Variants in CACNA1C observed in about 807,000 individuals in gnomAD.
The protein encoded by CACNA1C is calcium voltage-gated channel subunit alpha1 C.
CACNA1C carries 30 observed loss-of-function variants against 229.0 expected under a neutral mutation model. The observed-to-expected ratio is 0.13, with a 90% CI of 0.10 to 0.18. The LOEUF (loss-of-function observed/expected upper bound fraction) is 0.18. CACNA1C is among the 10% of genes least tolerant of loss of function. The probability of loss-of-function intolerance (pLI) is 1.00; values close to 1 mark genes in which losing one functional copy is unlikely to be tolerated. For synonymous variants in CACNA1C, 1,114 were observed against 1,132.5 expected, an observed-to-expected ratio of 0.98 and a Z score of 0.33; for missense variants, 1,658 against 2,845.0, an observed-to-expected ratio of 0.58 and a Z score of 9.49.
rs1367529003 is a variant in CACNA1C at position 2,601,832 on chromosome 12, G to A, written c.2854-22G>A. 2 of 1,541,870 alleles carry A rather than the reference G, an allele frequency of 1.3e-6. No individual in the cohort carries two copies. The highest frequency in any genetic ancestry group is 1.7e-4 in the Middle Eastern group (1 of 5,906). ...TAGGGCTAGGGCCACTCACACTGGT[G>A]TTCCTTTGTCCCTCCCTGCAGATGA... On this transcript the variant is annotated intron_variant, in intron 21 of 46. Transcript: ENST00000399655. This position sits in a 1 kb window ranked among gnomAD's most constrained non-coding sequence, Gnocchi z 5.9.
At chr12:2,356,530 T>C (rs2097368538) in intron 3 of CACNA1C, among the ~76,000 whole-genome samples, 2 of 152,350 alleles carry the variant, frequency 1.3e-5, no homozygotes, top group East Asian at 3.9e-4. Context: ...GGCGCTGCCC[T>C]TGGCCCCAAG....
chr12:2,580,186 G>A (rs926173399), intron 13 of CACNA1C, among the ~76,000 whole-genome samples: 1 of 152,210 alleles, frequency 6.6e-6, no homozygotes, highest in Admixed American at 6.5e-5. Context: ...ACAAATAGAT[G>A]TATATTAATA....
chr12:2,182,806 C>T (rs2096881287), intron 3 of CACNA1C, among the ~76,000 whole-genome samples: 1 of 152,060 alleles, frequency 6.6e-6, no homozygotes, highest in South Asian at 2.1e-4. Context: ...GAAGGCACAC[C>T]CCACCCTGCA....
chr12:2,655,152 T>C lies in CACNA1C; in HGVS notation c.4146T>C (p.Phe1382=), dbSNP rs772026369. Residue 1382 remains phenylalanine (F), a synonymous_variant, in exon 34 of 47, where the codon TTT becomes TTC. Transcript: ENST00000399655. ...CTCTTCCTTCTCTCTCCTAGGTGTT[T>C]GGGAAAATTGCCCTGAATGATACCA... ...FIYAVIGMQV[F]GKIALNDTTE... 1.9e-6 allele frequency: 3 copies of C among 1,607,736 alleles called. No individual in the cohort carries two copies. The highest frequency in any genetic ancestry group is 4.5e-5 in the East Asian group (2 of 44,844).
rs1405549636 is a variant in CACNA1C, at chr12:2,607,175, C to T, written c.3356+45C>T. 1.9e-6 allele frequency: 3 copies of T among 1,567,308 alleles called. No individual in the cohort carries two copies. In the South Asian group the frequency reaches 3.5e-5, roughly 18 times the overall value. On this transcript the variant is annotated intron_variant, in intron 26 of 46. Transcript: ENST00000399655. ...CCCCACGAGCCCTGACATTCAAGGG[C>T]CAGTACTGACTTTCCAGCCCATCCC...
chr12:2,644,488 CT>C (rs1452170393), intron 30 of CACNA1C, among the ~76,000 whole-genome samples: 1 of 152,182 alleles, frequency 6.6e-6, no homozygotes, highest in Non-Finnish European at 1.5e-5. Flanking sequence ...TTTTAAAAAA[CT>C]TTTTTTCGTA....
At chr12:2,515,852 G>A (rs770848647) in intron 9 of CACNA1C, among the ~76,000 whole-genome samples, 9 of 152,190 alleles carry the variant, frequency 5.9e-5, no homozygotes, top group Non-Finnish European at 1.2e-4. Context: ...GAAGTGGCCC[G>A]TAAGTTATAT....
chr12:1,987,761 ATAT>A lies in CACNA1C; in HGVS notation c.139+16562_139+16564del, dbSNP rs1161683211. ...CCCATCCTTCCAATATAATGCTTTC[ATAT>A]TCAGTGTCTTTAACTATGTATTATG... On this transcript the variant is annotated intron_variant, in intron 1 of 46. Coordinates refer to the CACNA1C transcript ENST00000682462. 2.6e-5 allele frequency among the ~76,000 whole-genome samples: 4 copies of A among 152,214 alleles called. 1 individual carries two copies. Among genetic ancestry groups the A allele is most frequent in the Admixed American group, 2.6e-4 (4 of 15,290 alleles).
intron 46 of CACNA1C, 116 bp from the exon 47 acceptor site, chr12:2,690,764 ACACGTACACGTGCACACACG>A: frequency 2.5e-6 from 2 of 807,314 alleles, no homozygotes; most frequent in Non-Finnish European, 3.8e-6. Flanking sequence ...CCCAACACAC[ACACGTACACGTGCACACACG>A]CACACTTCCC....
chr12:2,292,373 G>T (rs1325826933), intron 3 of CACNA1C, among the ~76,000 whole-genome samples: 2 of 152,174 alleles, frequency 1.3e-5, no homozygotes, highest in Non-Finnish European at 2.9e-5. Flanking sequence ...CACGTTTATT[G>T]TGTCCCATTT....
intron 3 of CACNA1C, among the ~76,000 whole-genome samples, chr12:2,256,549 C>T (rs2077946591): frequency 6.6e-6 from 1 of 152,120 alleles, no homozygotes. Context: ...GATGAGCGTA[C>T]AGGGTTCTTG....
intron 3 of CACNA1C, among the ~76,000 whole-genome samples, chr12:2,196,890 C>A (rs1282423749): frequency 6.6e-6 from 1 of 152,198 alleles, no homozygotes; most frequent in African/African-American, 2.4e-5. Context: ...TTCAGAACTG[C>A]CCCAGACCAA....
At chr12:2,011,596 T>TTC (rs1243391194) in intron 1 of CACNA1C, among the ~76,000 whole-genome samples, 1 of 152,202 alleles carries the variant, frequency 6.6e-6, no homozygotes, top group Non-Finnish European at 1.5e-5. Flanking sequence ...GCTACCTCGG[T>TTC]TCATATCAAA....
At chr12:2,242,871 A>G (rs2071183320) in intron 3 of CACNA1C, among the ~76,000 whole-genome samples, 1 of 152,254 alleles carries the variant, frequency 6.6e-6, no homozygotes, top group South Asian at 2.1e-4. Context: ...TTGATCCTCA[A>G]AAGAACCCTG....
chr12:2,016,523 G>A (rs546011932), intron 1 of CACNA1C, among the ~76,000 whole-genome samples: 32 of 152,074 alleles, frequency 2.1e-4, no homozygotes, highest in African/African-American at 7.0e-4. Context: ...TCCTCCTCCC[G>A]GGGTCAAGCA....
rs183857567 is a variant in CACNA1C, at chr12:2,622,995, C to T, written c.3828+10982C>T. ...CTCTTGGAGTCACTTTTGAGGAAGA[C>T]GTTTTCATCTCTATGTAGTCTTTCG... is the stretch of plus-strand genomic sequence containing the variant. On this transcript the variant is annotated intron_variant, in intron 29 of 46. Coordinates refer to ENST00000399655, the MANE Select transcript of CACNA1C (RefSeq NM_000719.7). Among the ~76,000 whole-genome samples, 284 of 152,316 alleles carry T rather than the reference C, an allele frequency of 1.9e-3. 1 individual carries two copies. The highest frequency in any genetic ancestry group is 6.5e-3 in the African/African-American group (269 of 41,578).
intron 15 of CACNA1C, among the ~76,000 whole-genome samples, chr12:2,583,457 C>A (rs1322493133): frequency 3.3e-5 from 5 of 152,226 alleles, no homozygotes; most frequent in Non-Finnish European, 7.3e-5. Context: ...AAGCTCCTTC[C>A]TGATCCCGGC....
In CACNA1C at chr12:2,633,682, C is replaced by G; in HGVS notation, c.3829-615C>G. The stretch of plus-strand genomic sequence containing the variant: ...TTGACTTCCTCATCGTAATTGGCAG[C>G]ATAATTGACGTCATTCTCAGTGAGA... On this transcript the variant is annotated intron_variant, in intron 29 of 46. Coordinates refer to ENST00000399655, the MANE Select transcript of CACNA1C (RefSeq NM_000719.7). The surrounding 1 kb of genome is among the most constrained non-coding windows in gnomAD (Gnocchi z 5.8). 6.2e-7 allele frequency: 1 copy of G among 1,610,070 alleles called. No homozygotes were observed. The highest frequency in any genetic ancestry group is 8.5e-7 in the Non-Finnish European group (1 of 1,176,342).
chr12:2,336,047 C>G (rs1318765125), intron 3 of CACNA1C, among the ~76,000 whole-genome samples: 2 of 150,776 alleles, frequency 1.3e-5, no homozygotes, highest in African/African-American at 2.4e-5. Flanking sequence ...AAAACAAACC[C>G]TAAGCATCCT....
Sources: allele counts gnomAD v4.1 joint callset (sites outside exome capture counted in the v4.1 genomes callset), GRCh38; gene constraint gnomAD v4.1.1; non-coding constraint Gnocchi (gnomAD v3.1); transcripts MANE v1.5; gene names NCBI Gene and HGNC (gene_info 2026-07-23, HGNC 2026-07-21).